Variants in NUP98 observed in about 807,000 individuals in gnomAD.
NUP98 encodes nuclear pore complex protein Nup98-Nup96.
A neutral mutation model predicts 191.9 loss-of-function variants in NUP98; 26 were observed. That is an observed-to-expected ratio of 0.14 (90% CI 0.10 to 0.19). NUP98 has a LOEUF of 0.19. Ranked by LOEUF, NUP98 falls within the 10% of genes least tolerant of loss-of-function variation. NUP98 has a pLI of 1.00. For synonymous variants in NUP98, 808 were observed against 778.4 expected, an observed-to-expected ratio of 1.04 and a Z score of -0.63; for missense variants, 1,941 against 2,178.8, an observed-to-expected ratio of 0.89 and a Z score of 2.17.
At chr11:3,684,117 C>G (rs190572342) in intron 29 of NUP98, among the ~76,000 whole-genome samples, 32 of 152,156 alleles carry the variant, frequency 2.1e-4, no homozygotes, top group African/African-American at 7.5e-4. Context: ...GAAGCTGAGG[C>G]AGGAGAATTG....
Position 3,713,885 on chromosome 11 carries a change from G to A in NUP98, c.2510C>T (p.Ala837Val). The A allele has an allele frequency of 6.2e-7, 1 of 1,614,152 alleles. No individual in the cohort carries two copies. Among genetic ancestry groups the A allele is most frequent in the Non-Finnish European group, 8.5e-7 (1 of 1,180,010 alleles). Residue 837 changes from alanine to valine, a missense_variant, in exon 19 of 33, where the codon GCA becomes GTA. By Grantham distance (64) the Ala-to-Val change is moderately conservative. This residue lies in a region of NUP98 where 95 missense variants were observed against 139.7 expected (regional missense o/e 0.68). Transcript: ENST00000324932. Reference protein sequence around the residue: ...ADINYEGRLEAVSRKQGAQFK... With the variant: ...ADINYEGRLEVVSRKQGAQFK... ...TTGAGCTCCCTGTTTCCTTGAAACT[G>A]CTTCCAATCTTCCTTCATAGTTGAT...
At chr11:3,683,079 G>C in intron 30 of NUP98, 121 bp downstream of exon 30, 17 of 1,428,700 alleles carry the variant, frequency 1.2e-5, no homozygotes, top group Non-Finnish European at 1.6e-5. Flanking sequence ...TGCAAAGTAT[G>C]ATTTGATTCA....
At chr11:3,789,497 ATTTC>A (rs771605168) in intron 1 of NUP98, among the ~76,000 whole-genome samples, 14 of 117,436 alleles carry the variant, frequency 1.2e-4, no homozygotes, top group African/African-American at 1.9e-4. Context: ...TCATTTACCT[ATTTC>A]TTTTTTTTTT....
At chr11:3,785,456 T>C (rs1213578733) in intron 1 of NUP98, among the ~76,000 whole-genome samples, 2 of 152,164 alleles carry the variant, frequency 1.3e-5, no homozygotes, top group African/African-American at 4.8e-5. Context: ...AACACTTTAC[T>C]TCCTCTATTA....
intron 6 of NUP98, among the ~76,000 whole-genome samples, chr11:3,772,827 A>AC (rs1205955450): frequency 6.6e-6 from 1 of 151,166 alleles, no homozygotes; most frequent in African/African-American, 2.4e-5. Context: ...AAAAAAAAAA[A>AC]ATTAGCTGTG....
intron 12 of NUP98, among the ~76,000 whole-genome samples, chr11:3,741,359 T>C (rs1404571642): frequency 2.0e-5 from 3 of 151,562 alleles, no homozygotes. Flanking sequence ...CGGTGGCTCA[T>C]GCCTGTAATC....
intron 22 of NUP98, among the ~76,000 whole-genome samples, chr11:3,703,812 G>C (rs894260176): frequency 1.3e-5 from 2 of 152,098 alleles, no homozygotes; most frequent in African/African-American, 2.4e-5. Context: ...CTGAAGGACA[G>C]TTCTTTAAAA....
rs536931223 is a variant in NUP98, at chr11:3,797,528, G to T, written c.-157C>A. 4.5e-6 allele frequency: 2 copies of T among 442,330 alleles called. No individual in the cohort carries two copies. The highest frequency in any genetic ancestry group is 4.1e-5 in the African/African-American group (2 of 48,882). 27.4% of individuals were successfully genotyped at this position (442,330 alleles called of 1,614,324 possible). ...ACCCCTGCCACCGACCGCCGCTTCG[G>T]GCGCAGCGCGCAGAGGGCCCGACTG... On this transcript the variant is annotated 5_prime_UTR_variant, in exon 1 of 33. Coordinates refer to ENST00000324932, the MANE Select transcript of NUP98 (RefSeq NM_016320.5).
chr11:3,692,547 A>G (rs964076287), intron 27 of NUP98, among the ~76,000 whole-genome samples: 8 of 151,916 alleles, frequency 5.3e-5, no homozygotes, highest in Non-Finnish European at 1.2e-4. Flanking sequence ...GTGAGCCGAG[A>G]TCGCGCTACT....
At chr11:3,776,991 T>G (rs1268011935) in intron 4 of NUP98, among the ~76,000 whole-genome samples, 1 of 152,228 alleles carries the variant, frequency 6.6e-6, no homozygotes, top group African/African-American at 2.4e-5. Context: ...CTGAATGAAC[T>G]TGTCTTTCTG....
intron 2 of NUP98, among the ~76,000 whole-genome samples, chr11:3,781,680 T>C (rs2081975351): frequency 6.6e-6 from 1 of 152,084 alleles, no homozygotes; most frequent in Admixed American, 6.6e-5. Context: ...GAATGTCACA[T>C]CATGTTCACA....
intron 2 of NUP98, among the ~76,000 whole-genome samples, chr11:3,781,185 C>CAAAAAAAA (rs34704470): frequency 1.4e-5 from 1 of 69,010 alleles, no homozygotes; most frequent in African/African-American, 5.6e-5. Flanking sequence ...GATCCTATCT[C>CAAAAAAAA]AAAAAAAAAA....
chr11:3,724,937 A>C (rs1387273595), intron 15 of NUP98, among the ~76,000 whole-genome samples, 166 bp downstream of exon 15: 1 of 152,180 alleles, frequency 6.6e-6, no homozygotes, highest in Non-Finnish European at 1.5e-5. Context: ...AGGTTTAATG[A>C]ATTCAAAAGA....
intron 4 of NUP98, among the ~76,000 whole-genome samples, chr11:3,777,419 G>A (rs541481599): frequency 7.9e-5 from 12 of 152,070 alleles, no homozygotes; most frequent in Admixed American, 4.6e-4. Context: ...TCAGGAGTTC[G>A]AGACCAGCCT....
intron 28 of NUP98, 118 bp downstream of exon 28, chr11:3,691,229 G>T: frequency 4.0e-6 from 4 of 991,586 alleles, no homozygotes; most frequent in Non-Finnish European, 4.5e-6. Context: ...AGTTATATTT[G>T]GTAGTTTATA....
At chr11:3,693,107 G>C in intron 27 of NUP98, 125 bp downstream of exon 27, 1 of 884,296 alleles carries the variant, frequency 1.1e-6, no homozygotes, top group Middle Eastern at 3.2e-4. Flanking sequence ...GACACTTGGG[G>C]AAGTAGCCTT....
chr11:3,782,552 A>G (rs1186240649), intron 1 of NUP98, among the ~76,000 whole-genome samples: 1 of 150,460 alleles, frequency 6.6e-6, no homozygotes, highest in Admixed American at 6.7e-5. Flanking sequence ...TGCTAACCCA[A>G]CCACCTAAAA....
chr11:3,721,735 G>A (rs1335656405), intron 16 of NUP98, among the ~76,000 whole-genome samples: 1 of 151,334 alleles, frequency 6.6e-6, no homozygotes, highest in Admixed American at 6.6e-5. Flanking sequence ...AAAGAAGAAA[G>A]AAAGAATAAA....
intron 17 of NUP98, 32 bp downstream of exon 17, chr11:3,720,680 G>T: frequency 1.7e-6 from 2 of 1,165,626 alleles, no homozygotes; most frequent in Admixed American, 1.9e-5. Context: ...CAACTCTCTG[G>T]CTTAATCACT....
Sources: gnomAD v4.1 joint callset for allele counts (sites outside exome capture counted in the v4.1 genomes callset) on GRCh38, gnomAD v4.1.1 for gene constraint, gnomAD v4.1.1 regional missense constraint, MANE v1.5 for transcripts, NCBI Gene and HGNC (gene_info 2026-07-23, HGNC 2026-07-21) for gene names.